Variants in CKM observed in about 807,000 individuals in gnomAD.
CKM encodes creatine kinase M-type.
In CKM, 28 loss-of-function variants were observed where a neutral mutation model predicts 35.4. The observed-to-expected ratio is 0.79, with a 90% confidence interval of 0.59 to 1.08. CKM has a LOEUF of 1.08. Ranked by LOEUF, CKM falls within the 50% of genes least tolerant of loss-of-function variation. CKM has a pLI of 0.00. For synonymous variants in CKM, 215 were observed against 204.4 expected, an observed-to-expected ratio of 1.05 and a Z score of -0.44; for missense variants, 484 against 509.8, an observed-to-expected ratio of 0.95 and a Z score of 0.49.
intron 7 of CKM, 121 bp downstream of exon 7, chr19:45,307,340 C>T: frequency 1.2e-6 from 1 of 866,902 alleles, no homozygotes; most frequent in Non-Finnish European, 1.8e-6. Context: ...AATGCAAGCT[C>T]ACAGAGGGTC....
intron 2 of CKM, 69 bp from the exon 3 acceptor site, chr19:45,318,048 T>A: frequency 7.1e-7 from 1 of 1,407,870 alleles, no homozygotes; most frequent in East Asian, 2.3e-5. Context: ...GTGGGCTCAG[T>A]GGAGCCTGTG....
intron 5 of CKM, among the ~76,000 whole-genome samples, chr19:45,309,659 C>T (rs188794041): frequency 6.6e-6 from 1 of 151,600 alleles, no homozygotes; most frequent in Admixed American, 6.6e-5. Flanking sequence ...GTGAAGAGTT[C>T]GAGACCAGCC....
chr19:45,317,791 C>A (rs1288926895), intron 3 of CKM, 34 bp downstream of exon 3: 1 of 1,612,848 alleles, frequency 6.2e-7, no homozygotes. Context: ...CTCCTCCTCA[C>A]CCCTCGGCCC....
At position 45,306,938 on chromosome 19, in the gene CKM, C is replaced by G; in HGVS notation, c.968-10G>C. ...GCTGTGTCCACGCCACCTGTGGGAGCAAGGGACAGGGGCGTGAAGAGGCAG... is the reference window on the plus strand; with the variant it reads ...GCTGTGTCCACGCCACCTGTGGGAGGAAGGGACAGGGGCGTGAAGAGGCAG... On this transcript the variant is annotated splice_polypyrimidine_tract_variant and intron_variant, in intron 7 of 7. Transcript: ENST00000221476. The surrounding 1 kb of genome is among the most constrained non-coding windows in gnomAD (Gnocchi z 4.5). The G allele has an allele frequency of 6.2e-7, 1 of 1,613,276 alleles. No individual in the cohort carries two copies. The highest frequency in any genetic ancestry group is 8.5e-7 in the Non-Finnish European group (1 of 1,180,000).
intron 7 of CKM, 106 bp downstream of exon 7, chr19:45,307,355 C>T: frequency 9.3e-7 from 1 of 1,073,636 alleles, no homozygotes; most frequent in Admixed American, 2.0e-5. Flanking sequence ...AGGGTCAGCC[C>T]TTGCCGGATC....
chr19:45,308,673 A>C, intron 5 of CKM, 141 bp from the exon 6 acceptor site: 1 of 1,015,022 alleles, frequency 9.9e-7, no homozygotes, highest in Non-Finnish European at 1.5e-6. Context: ...CCTCCTCAAA[A>C]CGCAGAAGCT....
chr19:45,308,609 T>A, intron 5 of CKM, 77 bp from the exon 6 acceptor site: 1 of 1,570,544 alleles, frequency 6.4e-7, no homozygotes, highest in Non-Finnish European at 8.7e-7. Context: ...CCCCAAAACA[T>A]CTGCCCACCG....
chr19:45,311,272 C>T (rs1479811156), intron 5 of CKM, among the ~76,000 whole-genome samples: 2 of 149,944 alleles, frequency 1.3e-5, no homozygotes, highest in African/African-American at 2.5e-5. Context: ...CTGGCTCTGT[C>T]GCCCAGGCTG....
chr19:45,322,593 T>C (rs1971223349), intron 1 of CKM, among the ~76,000 whole-genome samples: 1 of 152,042 alleles, frequency 6.6e-6, no homozygotes. Flanking sequence ...AACCCAAGAC[T>C]TGTGCCGCAG....
At chr19:45,307,262 A>G (rs1971061822) in intron 7 of CKM, among the ~76,000 whole-genome samples, 199 bp downstream of exon 7, 1 of 152,184 alleles carries the variant, frequency 6.6e-6, no homozygotes, top group South Asian at 2.1e-4. Flanking sequence ...TGCATATTAT[A>G]TAATCATGAA....
At chr19:45,318,421 A>T (rs376182290) in intron 2 of CKM, among the ~76,000 whole-genome samples, 8 of 151,576 alleles carry the variant, frequency 5.3e-5, no homozygotes, top group African/African-American at 1.9e-4. Flanking sequence ...GGAAAAAAAA[A>T]AAAAGAGAGA....
At chr19:45,310,640 G>C (rs553277097) in intron 5 of CKM, among the ~76,000 whole-genome samples, 1 of 151,660 alleles carries the variant, frequency 6.6e-6, no homozygotes, top group East Asian at 1.9e-4. Context: ...TTATTTTTGA[G>C]ACAGGTAGCT....
At chr19:45,310,246 G>A (rs984801071) in intron 5 of CKM, among the ~76,000 whole-genome samples, 3 of 149,190 alleles carry the variant, frequency 2.0e-5, no homozygotes, top group African/African-American at 5.0e-5. Flanking sequence ...TCAGCCTCAC[G>A]AGTAAGTAGG....
intron 6 of CKM, among the ~76,000 whole-genome samples, chr19:45,308,046 A>AT (rs1017677133): frequency 2.0e-5 from 3 of 151,694 alleles, no homozygotes; most frequent in Admixed American, 6.6e-5. Flanking sequence ...TTATTTATTA[A>AT]TTTTTTAGTA....
In CKM at chr19:45,308,423, C is replaced by T. The variant is rs372379123; in HGVS notation, c.763G>A (p.Val255Ile). The T allele has an allele frequency of 1.4e-5, 22 of 1,614,030 alleles. No individual in the cohort carries two copies. Among genetic ancestry groups the T allele is most frequent in the Non-Finnish European group, 1.8e-5 (21 of 1,180,012 alleles). The change falls in exon 6 of 8, where the codon GTA (valine) becomes ATA (isoleucine). Residue 255 changes from valine to isoleucine, a missense_variant. Coordinates refer to ENST00000221476, the MANE Select transcript of CKM (RefSeq NM_001824.5). ...CAGACACCCACCTTCTGCAGCCCTA[C>T]GCAGAAGCGGCGGAAAACCTCCTTC... ...NMKEVFRRFC[V>I]GLQKIEEIFK... is the part of the protein sequence containing the mutation.
chr19:45,307,471 C>T lies in CKM; in HGVS notation c.957G>A (p.Lys319=), dbSNP rs1309800740. The change falls in exon 7 of 8, where the codon AAG becomes AAA. Residue 319 remains lysine, a synonymous_variant. Coordinates refer to ENST00000221476, the MANE Select transcript of CKM (RefSeq NM_001824.5). ...EEILTRLRLQ[K]RGTGGVDTAA... is the part of the protein sequence containing the mutation. ...ATGTGGGAGCCGTACCTGTACCCCT[C>T]TTCTGCAGACGCAGGCGGGTGAGGA... The T allele has an allele frequency of 1.2e-6, 2 of 1,613,814 alleles. No homozygotes were observed. Among genetic ancestry groups the T allele is most frequent in the Admixed American group, 1.7e-5 (1 of 60,000 alleles).
chr19:45,319,435 C>G (rs771388727), intron 2 of CKM, 86 bp downstream of exon 2: 197 of 1,047,164 alleles, frequency 1.9e-4, no homozygotes, highest in Admixed American at 3.3e-4. Flanking sequence ...GGCCCCCCCC[C>G]CTTCAAGGGT....
Position 45,322,822 on chromosome 19 carries a change from T to TGGCTG in CKM, c.-25_-21dup. ...CCAGATTCCCGCCCCGTGCAGTACC[T>TGGCTG]GGCTGGGCTGGGCTGAAGGGGGGCT... On this transcript the variant is annotated splice_region_variant and 5_prime_UTR_variant, in exon 1 of 8. Coordinates refer to ENST00000221476, the MANE Select transcript of CKM (RefSeq NM_001824.5). 1.0e-6 allele frequency: 1 copy of TGGCTG among 985,980 alleles called. No individual in the cohort carries two copies. Among genetic ancestry groups the TGGCTG allele is most frequent in the African/African-American group, 1.7e-5 (1 of 57,378 alleles). 61.1% of individuals were successfully genotyped at this position (985,980 alleles called of 1,614,324 possible).
In CKM at chr19:45,315,523, C is replaced by T. The variant is rs376033705; in HGVS notation, c.423G>A (p.Thr141=). The T allele has an allele frequency of 7.7e-5, 124 of 1,601,458 alleles. No homozygotes were observed. Among genetic ancestry groups the T allele is most frequent in the Admixed American group, 5.0e-5 (3 of 59,990 alleles). Residue 141 remains threonine (T), a synonymous_variant, in exon 4 of 8, where the codon ACG becomes ACA. Coordinates refer to ENST00000221476, the MANE Select transcript of CKM (RefSeq NM_001824.5). ...CGCCACGGGAGCAGTGTGGGGGCAA[C>T]GTGTAGCCCTTGATGCTGCGGCCAG... is the stretch of plus-strand genomic sequence containing the variant. ...VRTGRSIKGY[T]LPPHCSRGER...
Sources: allele counts gnomAD v4.1 joint callset (sites outside exome capture counted in the v4.1 genomes callset), GRCh38; gene constraint gnomAD v4.1.1; non-coding constraint Gnocchi (gnomAD v3.1); transcripts MANE v1.5; gene names NCBI Gene and HGNC (gene_info 2026-07-23, HGNC 2026-07-21).